The following CENPT variants were observed in gnomAD, a reference collection of about 807,000 sequenced individuals.
The protein encoded by CENPT is centromere protein T, also known as interphase centromere complex protein 22.
CENPT carries 42 observed loss-of-function variants against 59.7 expected under a neutral mutation model. The observed-to-expected ratio is 0.70, with a 90% CI of 0.55 to 0.91. The LOEUF (loss-of-function observed/expected upper bound fraction) is 0.91, where lower values mean the gene tolerates loss of function less well. Among genes scored for constraint, CENPT ranks in the 40% least tolerant of loss-of-function variants. CENPT has a pLI of 0.00. For missense variants in CENPT, 716 were observed against 713.4 expected (o/e 1.00, Z -0.04); for synonymous variants, 295 against 289.6 (o/e 1.02, Z -0.19).
At chr16:67,830,346 C>T (rs1172110304) in intron 11 of CENPT, 44 bp downstream of exon 11, 12 of 1,578,724 alleles carry the variant, frequency 7.6e-6, no homozygotes, top group Non-Finnish European at 1.0e-5. Flanking sequence ...TCAACTCTCA[C>T]CCAAGCTAAA....
intron 4 of CENPT, among the ~76,000 whole-genome samples, chr16:67,833,155 G>C (rs1331954319): frequency 6.6e-6 from 1 of 152,170 alleles, no homozygotes; most frequent in East Asian, 1.9e-4. Context: ...CTCACCCACT[G>C]CCACTCCCAC....
rs1282422826 is a variant in CENPT, at chr16:67,832,450, C to G, written c.201+5G>C. ...CCCTTTGGGGTCAGTGGGCTGGGTA[C>G]TTACCCTGGCTCCATGGGAACGCCC... On this transcript the variant is annotated splice_donor_5th_base_variant and intron_variant, in intron 5 of 15. Coordinates refer to ENST00000562787, the MANE Select transcript of CENPT (RefSeq NM_025082.4). 1 of 1,614,054 alleles carries G rather than the reference C, an allele frequency of 6.2e-7. No individual in the cohort carries two copies. Among genetic ancestry groups the G allele is most frequent in the African/African-American group, 1.3e-5 (1 of 74,924 alleles).
At position 67,830,017 on chromosome 16, in the gene CENPT, T is replaced by C. The variant is rs2057669298; in HGVS notation, c.934A>G (p.Ser312Gly). ...EVNAFALGFLSTSSGVSGEDE... is the reference protein window; with the variant it reads ...EVNAFALGFLGTSSGVSGEDE... ...TCTCCAGAGACACCACTGCTGGTGCTCAGGAAGCCCAGAGCAAAGGCATTG... is the reference window on the plus strand; with the variant it reads ...TCTCCAGAGACACCACTGCTGGTGCCCAGGAAGCCCAGAGCAAAGGCATTG... Residue 312 changes from serine (S) to glycine (G), a missense_variant, in exon 12 of 16, where the codon AGC becomes GGC. Coordinates refer to ENST00000562787, the MANE Select transcript of CENPT (RefSeq NM_025082.4). 1 of 1,614,090 alleles carries C rather than the reference T, an allele frequency of 6.2e-7. No individual in the cohort carries two copies. Among genetic ancestry groups the C allele is most frequent in the South Asian group, 1.1e-5 (1 of 91,094 alleles).
chr16:67,841,193 C>CAAAAAA (rs772893427), intron 1 of CENPT, among the ~76,000 whole-genome samples: 4 of 27,562 alleles, frequency 1.5e-4, no homozygotes, highest in African/African-American at 2.1e-4. Flanking sequence ...GACTCCTTTA[C>CAAAAAA]AAAAAAAAAA....
chr16:67,842,659 C>A lies in CENPT; in HGVS notation c.-492+4742G>T. On this transcript the variant is annotated intron_variant, in intron 1 of 15. Transcript: ENST00000562787. The surrounding 1 kb of genome is among the most constrained non-coding windows in gnomAD (Gnocchi z 4.9). ...CAAAGGACGCTGAGTTGCGGCGCCT[C>A]TGGCTCAAGAACGTGTCGCGTGCCG... The A allele has an allele frequency of 6.4e-7, 1 of 1,565,376 alleles. No individual in the cohort carries two copies. Among genetic ancestry groups the A allele is most frequent in the East Asian group, 2.4e-5 (1 of 41,848 alleles).
At chr16:67,841,305 G>A (rs1475624795) in intron 1 of CENPT, among the ~76,000 whole-genome samples, 1 of 149,164 alleles carries the variant, frequency 6.7e-6, no homozygotes, top group Non-Finnish European at 1.5e-5. Flanking sequence ...ATAGCTCTCA[G>A]TGGCCTGCAG....
rs1184386308 is a variant in CENPT at position 67,833,812 on chromosome 16, C to T, written c.48G>A (p.Leu16=). The change falls in exon 4 of 16, where the codon CTG becomes CTA. Residue 16 remains leucine, a synonymous_variant. Coordinates refer to ENST00000562787, the MANE Select transcript of CENPT (RefSeq NM_025082.4). ...GGTCCGCTGTATCCAGCACGCGTCG[C>T]AGCAGCGTGCGCGGCGTGGAGTCGC... is the stretch of plus-strand genomic sequence containing the variant. The part of the protein sequence containing the change: ...PDSDSTPRTL[L]RRVLDTADPR... The T allele has an allele frequency of 5.7e-6, 9 of 1,577,010 alleles. No homozygotes were observed. The South Asian group carries it at 9.2e-5, about 16-fold the overall frequency.
At chr16:67,829,391 G>A (rs368138947) in intron 13 of CENPT, 32 bp downstream of exon 13, 23 of 1,529,594 alleles carry the variant, frequency 1.5e-5, no homozygotes, top group Non-Finnish European at 2.0e-5. Context: ...CTTCCCAAGA[G>A]GCCCATGAGG....
chr16:67,844,615 C>T (rs2057785140), intron 1 of CENPT, among the ~76,000 whole-genome samples: 2 of 152,182 alleles, frequency 1.3e-5, no homozygotes, highest in African/African-American at 2.4e-5. Flanking sequence ...CTCTGTGAAC[C>T]GGTAAGAGCG....
chr16:67,836,598 C>T (rs1022714254), intron 1 of CENPT, among the ~76,000 whole-genome samples: 2 of 151,496 alleles, frequency 1.3e-5, no homozygotes, highest in South Asian at 2.1e-4. Context: ...CCGCCAAGCC[C>T]GGCTAATTTT....
intron 5 of CENPT, 44 bp from the exon 6 acceptor site, chr16:67,832,359 A>G (rs758114310): frequency 6.2e-7 from 1 of 1,611,532 alleles, no homozygotes; most frequent in East Asian, 2.2e-5. Context: ...GTCTGCCTTG[A>G]GATTTCCTCA....
chr16:67,841,046 T>TATATGTATA (rs2057758125), intron 1 of CENPT, among the ~76,000 whole-genome samples: 1 of 124,906 alleles, frequency 8.0e-6, no homozygotes, highest in African/African-American at 3.0e-5. Context: ...TATATATATA[T>TATATGTATA]TAGCCGGGCA....
intron 1 of CENPT, among the ~76,000 whole-genome samples, chr16:67,841,010 C>CATACATATAT (rs1256263734): frequency 6.2e-4 from 68 of 109,352 alleles, no homozygotes; most frequent in African/African-American, 1.8e-3. Context: ...ATACAAAATA[C>CATACATATAT]ATATATATAT....
At chr16:67,835,934 G>C (rs1343215297) in intron 1 of CENPT, among the ~76,000 whole-genome samples, 1 of 151,080 alleles carries the variant, frequency 6.6e-6, no homozygotes, top group African/African-American at 2.4e-5. Context: ...TTTTTGTATA[G>C]AGACGGGGTT....
At chr16:67,845,545 CG>C (rs1401590375) in intron 1 of CENPT, among the ~76,000 whole-genome samples, 3 of 152,178 alleles carry the variant, frequency 2.0e-5, no homozygotes, top group African/African-American at 7.2e-5. Context: ...TCTTCCCGGT[CG>C]GAGCAAGGCC....
intron 1 of CENPT, among the ~76,000 whole-genome samples, chr16:67,838,932 C>CA (rs58802560): frequency 0.017 from 1,460 of 85,920 alleles, 15 homozygotes; most frequent in Admixed American, 0.026. Context: ...GACTCTGTCT[C>CA]AAAAAAAAAA....
At chr16:67,844,876 C>T (rs2057787008) in intron 1 of CENPT, among the ~76,000 whole-genome samples, 3 of 151,904 alleles carry the variant, frequency 2.0e-5, no homozygotes, top group Admixed American at 2.0e-4. Context: ...GCAACCTCTG[C>T]CTCCCAGGTT....
intron 1 of CENPT, among the ~76,000 whole-genome samples, chr16:67,840,398 A>C (rs1339132231): frequency 1.3e-5 from 2 of 152,226 alleles, no homozygotes; most frequent in Non-Finnish European, 2.9e-5. Flanking sequence ...GAGAGAAAAA[A>C]GGACAAGAAA....
chr16:67,830,588 G>T, intron 10 of CENPT, 40 bp from the exon 11 acceptor site: 1 of 1,602,666 alleles, frequency 6.2e-7, no homozygotes, highest in South Asian at 1.1e-5. Context: ...GCTGTCACCT[G>T]GAGATCAGGG....
Sources: gnomAD v4.1 joint callset for allele counts (sites outside exome capture counted in the v4.1 genomes callset) on GRCh38, gnomAD v4.1.1 for gene constraint, Gnocchi (gnomAD v3.1) non-coding constraint, MANE v1.5 for transcripts, NCBI Gene and HGNC (gene_info 2026-07-23, HGNC 2026-07-21) for gene names.